Variants in GPC6 observed in about 807,000 individuals in gnomAD.
The protein encoded by GPC6 is glypican-6.
GPC6 carries 14 observed loss-of-function variants against 55.2 expected under a neutral mutation model. The ratio of observed to expected loss-of-function variants is 0.25; its 90% CI spans 0.17 to 0.40. GPC6 has a LOEUF of 0.40. Ranked by LOEUF, GPC6 falls within the 10% of genes least tolerant of loss-of-function variation. The probability of loss-of-function intolerance (pLI) is 1.00; values close to 1 mark genes in which losing one functional copy is unlikely to be tolerated. For synonymous variants in GPC6, 278 were observed against 259.6 expected (o/e 1.07, Z -0.68); for missense variants, 641 against 708.5 (o/e 0.90, Z 1.08).
chr13:94,276,318 T>A (rs1892200797), intron 4 of GPC6, among the ~76,000 whole-genome samples: 2 of 152,080 alleles, frequency 1.3e-5, no homozygotes, highest in Non-Finnish European at 2.9e-5. Context: ...GGTTTCAGGA[T>A]GGATTGTGTG....
chr13:93,931,026 A>G (rs1301260330), intron 3 of GPC6, among the ~76,000 whole-genome samples: 1 of 152,006 alleles, frequency 6.6e-6, no homozygotes, highest in Non-Finnish European at 1.5e-5. Flanking sequence ...GCAAGCGCTC[A>G]CTCACTATCA....
intron 4 of GPC6, among the ~76,000 whole-genome samples, chr13:94,117,548 G>A (rs1190847499): frequency 6.6e-6 from 1 of 152,074 alleles, no homozygotes; most frequent in Non-Finnish European, 1.5e-5. Flanking sequence ...AGAAGAGGTG[G>A]TCAAGGCAAA....
chr13:94,034,556 G>A (rs1883267917), intron 4 of GPC6, among the ~76,000 whole-genome samples: 1 of 152,002 alleles, frequency 6.6e-6, no homozygotes, highest in Non-Finnish European at 1.5e-5. Context: ...GATCAAAGGA[G>A]GCAACATACA....
intron 4 of GPC6, among the ~76,000 whole-genome samples, chr13:94,206,581 C>T (rs991450257): frequency 6.6e-5 from 10 of 152,108 alleles, no homozygotes; most frequent in Non-Finnish European, 1.2e-4. Flanking sequence ...GAGCCAGGCA[C>T]GGCAGCTCAC....
chr13:93,247,716 C>A (rs949157436), intron 1 of GPC6, among the ~76,000 whole-genome samples: 1 of 152,136 alleles, frequency 6.6e-6, no homozygotes, highest in Non-Finnish European at 1.5e-5. Context: ...AATGGCAAAT[C>A]ATATGTCATC....
At chr13:93,270,041 G>A (rs1257826588) in intron 1 of GPC6, among the ~76,000 whole-genome samples, 1 of 151,692 alleles carries the variant, frequency 6.6e-6, no homozygotes, top group Admixed American at 6.6e-5. Flanking sequence ...GATTGCTTGA[G>A]CTCAGGAATT....
chr13:93,895,264 A>G lies in GPC6; in HGVS notation c.711+64719A>G, dbSNP rs1309142847. 9.1e-4 allele frequency among the ~76,000 whole-genome samples: 100 copies of G among 110,110 alleles called. 1 individual carries two copies. The highest frequency in any genetic ancestry group is 2.1e-3 in the African/African-American group (64 of 30,880). 72.2% of individuals were successfully genotyped at this position (110,110 alleles called of 152,430 possible). On this transcript the variant is annotated intron_variant, in intron 3 of 8. Transcript: ENST00000377047. ...TATATATATATATATATATATATAT[A>G]TATATATATATATGTAACTGTTCAC... is the stretch of plus-strand genomic sequence containing the variant.
At chr13:93,500,753 T>C (rs768589717) in intron 1 of GPC6, among the ~76,000 whole-genome samples, 3 of 152,160 alleles carry the variant, frequency 2.0e-5, no homozygotes, top group Admixed American at 6.5e-5. Context: ...TTAAGGAGTG[T>C]AGAAAGTGTT....
At chr13:94,088,962 C>T (rs980154480) in intron 4 of GPC6, among the ~76,000 whole-genome samples, 5 of 152,034 alleles carry the variant, frequency 3.3e-5, no homozygotes, top group Non-Finnish European at 7.4e-5. Flanking sequence ...ATGAGATTAT[C>T]GGGCATATTC....
chr13:94,357,935 C>T (rs142425022), intron 6 of GPC6, among the ~76,000 whole-genome samples: 8 of 152,312 alleles, frequency 5.3e-5, no homozygotes, highest in African/African-American at 1.4e-4. Flanking sequence ...ATGCCTAATG[C>T]GGTATCTTGC....
chr13:93,547,874 T>C (rs941180726), intron 2 of GPC6, among the ~76,000 whole-genome samples: 1 of 152,168 alleles, frequency 6.6e-6, no homozygotes, highest in Non-Finnish European at 1.5e-5. Flanking sequence ...TTCATGAGGG[T>C]CAGTTATACA....
At chr13:93,295,142 C>G (rs1287440596) in intron 1 of GPC6, among the ~76,000 whole-genome samples, 1 of 131,178 alleles carries the variant, frequency 7.6e-6, no homozygotes, top group African/African-American at 2.9e-5. Context: ...AATACAAATA[C>G]TAGCTGGGCA....
chr13:93,496,185 G>C (rs4301899), intron 1 of GPC6, among the ~76,000 whole-genome samples: 44,990 of 151,922 alleles, frequency 0.3, 7,160 homozygotes, highest in East Asian at 0.65. Context: ...GAGTCCGTGG[G>C]CGTAGGACCC....
intron 6 of GPC6, among the ~76,000 whole-genome samples, chr13:94,364,009 T>A (rs747549968): frequency 2.6e-5 from 4 of 152,268 alleles, no homozygotes; most frequent in African/African-American, 4.8e-5. Context: ...AAACATAACA[T>A]TGAAGTTAGC....
At chr13:94,284,110 C>T (rs1316422157) in intron 4 of GPC6, among the ~76,000 whole-genome samples, 3 of 152,112 alleles carry the variant, frequency 2.0e-5, no homozygotes, top group East Asian at 1.9e-4. Context: ...CAGGCTTGCC[C>T]GGCAGGTGGG....
chr13:93,591,154 C>CA (rs759879838), intron 2 of GPC6, among the ~76,000 whole-genome samples: 1,203 of 67,060 alleles, frequency 0.018, 36 homozygotes, highest in African/African-American at 0.039. Flanking sequence ...TCTAATAAAG[C>CA]AAAAGAAAAA....
intron 6 of GPC6, among the ~76,000 whole-genome samples, chr13:94,364,246 C>G (rs1458643840): frequency 6.6e-6 from 1 of 152,154 alleles, no homozygotes; most frequent in Non-Finnish European, 1.5e-5. Flanking sequence ...TAAGAGGACC[C>G]ATTTAGGTTA....
At chr13:93,612,500 A>C (rs867998123) in intron 2 of GPC6, among the ~76,000 whole-genome samples, 2 of 139,296 alleles carry the variant, frequency 1.4e-5, no homozygotes, top group Non-Finnish European at 3.1e-5. Flanking sequence ...CTCCGTCTAA[A>C]ACACACACAC....
intron 3 of GPC6, among the ~76,000 whole-genome samples, chr13:93,917,448 T>C (rs1877347834): frequency 6.6e-6 from 1 of 152,166 alleles, no homozygotes; most frequent in African/African-American, 2.4e-5. Flanking sequence ...TTATAAGTCT[T>C]TTGGATGCAC....
Sources: allele counts gnomAD v4.1 joint callset (sites outside exome capture counted in the v4.1 genomes callset), GRCh38; gene constraint gnomAD v4.1.1; transcripts MANE v1.5; gene names NCBI Gene and HGNC (gene_info 2026-07-23, HGNC 2026-07-21).